Variants in CELF2 observed in about 807,000 individuals in gnomAD.
CELF2 encodes CUG triplet repeat RNA-binding protein 2.
A neutral mutation model predicts 62.6 loss-of-function variants in CELF2; 8 were observed. That is an observed-to-expected ratio of 0.13 (90% confidence interval 0.07 to 0.23). The LOEUF (loss-of-function observed/expected upper bound fraction) is 0.23, where lower values mean the gene tolerates loss of function less well. Among genes scored for constraint, CELF2 ranks in the 10% least tolerant of loss-of-function variants. CELF2 has a pLI of 1.00. For missense variants in CELF2, 333 were observed against 671.0 expected (o/e 0.50, Z 5.56); for synonymous variants, 258 against 250.0 (o/e 1.03, Z -0.30).
chr10:10,999,287 C>T (rs1354714446), intron 2 of CELF2, among the ~76,000 whole-genome samples: 1 of 152,174 alleles, frequency 6.6e-6, no homozygotes, highest in East Asian at 1.9e-4. Flanking sequence ...ACATACCACA[C>T]GTTGTTCTAA....
At chr10:11,238,196 T>C (rs1187901700) in intron 3 of CELF2, among the ~76,000 whole-genome samples, 1 of 152,186 alleles carries the variant, frequency 6.6e-6, no homozygotes, top group Non-Finnish European at 1.5e-5. Context: ...TCCCACTTAG[T>C]GATAAGGGAA....
At chr10:10,581,299 T>C in the CELF2 span, among the ~76,000 whole-genome samples, 1 of 152,334 alleles carries the variant, frequency 6.6e-6, no homozygotes, top group East Asian at 1.9e-4. Flanking sequence ...TAGAAATAGC[T>C]GATTGTTTGA....
Position 11,205,244 on chromosome 10 carries a change from C to T in CELF2, c.272-12181C>T, listed in dbSNP as rs116812933. On this transcript the variant is annotated intron_variant, in intron 2 of 12. Coordinates refer to ENST00000633077, the MANE Select transcript of CELF2 (RefSeq NM_001326342.2). The stretch of plus-strand genomic sequence containing the variant: ...GTCATCACTTAGAAAAGCGGCTTCC[C>T]TACCAGGGAAGCACAGCGGCAGCGC... Among the ~76,000 whole-genome samples the T allele has an allele frequency of 1.4e-3, 219 of 152,316 alleles. 2 individuals carry two copies. Among genetic ancestry groups the T allele is most frequent in the African/African-American group, 4.9e-3 (202 of 41,592 alleles).
intron 1 of CELF2, among the ~76,000 whole-genome samples, chr10:11,078,578 T>C (rs2072901396): frequency 6.6e-6 from 1 of 152,206 alleles, no homozygotes; most frequent in South Asian, 2.1e-4. Flanking sequence ...AATCTATCTA[T>C]ACTCCCTACA....
chr10:11,234,601 G>A (rs781668494), intron 3 of CELF2, among the ~76,000 whole-genome samples: 42 of 54,858 alleles, frequency 7.7e-4, no homozygotes, highest in Admixed American at 7.0e-3. Context: ...AGAATGGCGT[G>A]AACCCGGGGG....
the CELF2 span, among the ~76,000 whole-genome samples, chr10:10,789,360 T>C: frequency 6.6e-6 from 1 of 152,008 alleles, no homozygotes; most frequent in South Asian, 2.1e-4. Context: ...GTTTTATAGA[T>C]ATGTCATATG....
intron 1 of CELF2, among the ~76,000 whole-genome samples, chr10:11,065,418 T>C (rs2067831150): frequency 6.6e-6 from 1 of 152,174 alleles, no homozygotes; most frequent in African/African-American, 2.4e-5. Flanking sequence ...TCAGATTCTT[T>C]TGGGAAAGAG....
Position 11,314,306 on chromosome 10 carries a change from C to CA in CELF2, c.1096+51dup. On this transcript the variant is annotated intron_variant, in intron 10 of 12. Transcript: ENST00000633077. This position sits in a 1 kb window ranked among gnomAD's most constrained non-coding sequence, Gnocchi z 5.3. Reference sequence around the variant, plus strand: ...GCTGCTCTGGTGGACAGCCTTCCCCCAAATTCTCCACAGAAAGTGGTCAGC... The same window carrying CA: ...GCTGCTCTGGTGGACAGCCTTCCCCCAAAATTCTCCACAGAAAGTGGTCAGC... 1 of 1,613,628 alleles carries CA rather than the reference C, an allele frequency of 6.2e-7. No homozygotes were observed. Among genetic ancestry groups the CA allele is most frequent in the Non-Finnish European group, 8.5e-7 (1 of 1,179,580 alleles).
At chr10:10,520,208 T>C in the CELF2 span, among the ~76,000 whole-genome samples, 1 of 152,180 alleles carries the variant, frequency 6.6e-6, no homozygotes, top group Non-Finnish European at 1.5e-5. Context: ...ACCTGAAATT[T>C]CTATAAATTT....
chr10:10,545,651 A>AT, the CELF2 span, among the ~76,000 whole-genome samples: 1 of 152,182 alleles, frequency 6.6e-6, no homozygotes, highest in African/African-American at 2.4e-5. Flanking sequence ...CTCAGGATGA[A>AT]TATCTAAAAT....
chr10:10,626,487 A>G, the CELF2 span, among the ~76,000 whole-genome samples: 1 of 152,314 alleles, frequency 6.6e-6, no homozygotes, highest in African/African-American at 2.4e-5. Flanking sequence ...GAAACCTATC[A>G]GCTACTGATA....
the CELF2 span, among the ~76,000 whole-genome samples, chr10:10,592,681 G>A: frequency 6.6e-6 from 1 of 152,146 alleles, no homozygotes. Flanking sequence ...CCCTTAGCTA[G>A]TTACAGACAA....
the CELF2 span, among the ~76,000 whole-genome samples, chr10:10,696,756 A>G: frequency 1.3e-5 from 2 of 151,794 alleles, no homozygotes; most frequent in African/African-American, 4.8e-5. Context: ...GGTGGGAGTG[A>G]CTCGATTTTC....
chr10:10,656,331 G>C, the CELF2 span, among the ~76,000 whole-genome samples: 1 of 146,366 alleles, frequency 6.8e-6, no homozygotes, highest in Non-Finnish European at 1.5e-5. Flanking sequence ...CAGGGATCTA[G>C]AACTAGAAAT....
the CELF2 span, among the ~76,000 whole-genome samples, chr10:10,753,075 G>A: frequency 6.6e-6 from 1 of 152,094 alleles, no homozygotes; most frequent in Non-Finnish European, 1.5e-5. Context: ...TTAAATGAAA[G>A]ACATAGAATA....
At chr10:11,181,964 C>T (rs1342193531) in intron 2 of CELF2, among the ~76,000 whole-genome samples, 2 of 152,170 alleles carry the variant, frequency 1.3e-5, no homozygotes, top group East Asian at 1.9e-4. Flanking sequence ...ATGGGCACTC[C>T]ATGGAGCATG....
intron 1 of CELF2, among the ~76,000 whole-genome samples, chr10:10,799,801 T>C (rs2054474175): frequency 6.6e-6 from 1 of 152,230 alleles, no homozygotes; most frequent in Non-Finnish European, 1.5e-5. Context: ...GAGTTAATTC[T>C]TGGGCTTCAC....
intron 10 of CELF2, among the ~76,000 whole-genome samples, chr10:11,320,524 A>G (rs1359595180): frequency 6.6e-6 from 1 of 152,218 alleles, no homozygotes; most frequent in Non-Finnish European, 1.5e-5. Flanking sequence ...AAGGGTCCAC[A>G]TGGCTTCTGT....
chr10:10,525,186 G>A, the CELF2 span, among the ~76,000 whole-genome samples: 136,950 of 151,906 alleles, frequency 0.9, 62,392 homozygotes, highest in South Asian at 0.97. Context: ...ATCATACGTT[G>A]TTAATAACTG....
Sources: allele counts gnomAD v4.1 joint callset (sites outside exome capture counted in the v4.1 genomes callset), GRCh38; gene constraint gnomAD v4.1.1; non-coding constraint Gnocchi (gnomAD v3.1); transcripts MANE v1.5; gene names NCBI Gene and HGNC (gene_info 2026-07-23, HGNC 2026-07-21).